PTPRB: variants seen among roughly 807,000 people sequenced by gnomAD.
The protein encoded by PTPRB is receptor-type tyrosine-protein phosphatase beta.
A neutral mutation model predicts 238.1 loss-of-function variants in PTPRB; 97 were observed. The ratio of observed to expected loss-of-function variants is 0.41; its 90% confidence interval spans 0.35 to 0.48. The LOEUF is 0.48. PTPRB is among the 20% of genes least tolerant of loss of function. The probability of loss-of-function intolerance (pLI) is 0.30; values close to 1 mark genes in which losing one functional copy is unlikely to be tolerated. For synonymous variants in PTPRB, 970 were observed against 995.4 expected (o/e 0.97, Z 0.48); for missense variants, 2,292 against 2,681.9 (o/e 0.85, Z 3.21).
intron 7 of PTPRB, 121 bp from the exon 8 acceptor site, chr12:70,590,354 C>T: frequency 9.7e-7 from 1 of 1,027,058 alleles, no homozygotes; most frequent in South Asian, 2.0e-5. Flanking sequence ...ACATTTCTAT[C>T]CCCTCTTGAT....
chr12:70,587,822 T>C (rs192310877), intron 8 of PTPRB, among the ~76,000 whole-genome samples: 141 of 152,174 alleles, frequency 9.3e-4, no homozygotes, highest in African/African-American at 3.2e-3. Flanking sequence ...AACTGTTGGT[T>C]GGGTGCGGTG....
intron 2 of PTPRB, among the ~76,000 whole-genome samples, chr12:70,634,050 G>A (rs2717419): frequency 0.39 from 59,008 of 152,032 alleles, 16,375 homozygotes; most frequent in African/African-American, 0.77. Context: ...GAATTTTTGA[G>A]TAGGTTTTTT....
At position 70,587,165 on chromosome 12, in the gene PTPRB, G is replaced by A. The variant is rs373810196; in HGVS notation, c.2153C>T (p.Ser718Phe). ...PVAEWEKYII[S>F]LADRDLLLIH... The stretch of plus-strand genomic sequence containing the variant: ...CAGTAAGAGGTCTCTGTCAGCTAGG[G>A]AAATGATGTATTTCTCCCATTCTGC... Residue 718 changes from serine to phenylalanine, a missense_variant, in exon 9 of 34, where the codon TCC becomes TTC. By Grantham distance (155) the Ser-to-Phe change is radical (BLOSUM62 -2). This residue lies in a region of PTPRB where 1,205 missense variants were observed against 1,287.8 expected (regional missense o/e 0.94). Coordinates refer to ENST00000334414, the MANE Select transcript of PTPRB (RefSeq NM_001109754.4). 4 of 1,613,774 alleles carry A rather than the reference G, an allele frequency of 2.5e-6. No individual in the cohort carries two copies. Among genetic ancestry groups the A allele is most frequent in the South Asian group, 1.1e-5 (1 of 91,072 alleles).
chr12:70,619,190 G>GTGTGTGTGTA (rs1884810653), intron 3 of PTPRB, among the ~76,000 whole-genome samples: 1 of 150,522 alleles, frequency 6.6e-6, no homozygotes. Flanking sequence ...GTGTGTGTGT[G>GTGTGTGTGTA]TGTATACTCT....
chr12:70,540,887 A>G lies in PTPRB; in HGVS notation c.5565T>C (p.Val1855=). The G allele has an allele frequency of 6.2e-7, 1 of 1,605,332 alleles. No individual in the cohort carries two copies. The highest frequency in any genetic ancestry group is 8.5e-7 in the Non-Finnish European group (1 of 1,175,900). ...CTTTCTGTCTGCAGATCAATAAGGC[A>G]ACAACAGCCACTAGCATGCCAATTA... ...LFLIGMLVAV[V]ALLICRQKVS... is the part of the protein sequence containing the mutation. The change falls in exon 23 of 34, where the codon GTT becomes GTC. Residue 1855 remains valine (V), a synonymous_variant. Transcript: ENST00000334414.
At chr12:70,564,880 AATAAT>A (rs796094969) in intron 15 of PTPRB, among the ~76,000 whole-genome samples, 4,158 of 45,546 alleles carry the variant, frequency 0.091, 90 homozygotes, top group East Asian at 0.27. Flanking sequence ...TAATAATAAT[AATAAT>A]AATAAATAGA....
intron 20 of PTPRB, among the ~76,000 whole-genome samples, chr12:70,554,744 G>A (rs1457962167): frequency 6.6e-6 from 1 of 152,072 alleles, no homozygotes; most frequent in South Asian, 2.1e-4. Flanking sequence ...GACAGGGAGG[G>A]GTGAAGACAG....
Position 70,629,898 on chromosome 12 carries a change from G to A in PTPRB, c.451+5773C>T, listed in dbSNP as rs139727508. ...AATGTGTCCAAGACTAAACCAGGAA[G>A]AAGTGGAATCTCTGAATAGACCAAT... On this transcript the variant is annotated intron_variant, in intron 2 of 33. Transcript: ENST00000334414. 1.2e-3 allele frequency among the ~76,000 whole-genome samples: 180 copies of A among 152,264 alleles called. 1 individual carries two copies. Among genetic ancestry groups the A allele is most frequent in the African/African-American group, 4.2e-3 (176 of 41,548 alleles).
chr12:70,596,067 A>G lies in PTPRB; in HGVS notation c.1240T>C (p.Tyr414His). ...GTCTTACCTGTTGATCCATTGGTAT[A>G]AACTGAAAAAGAACGTTTTCCTCCA... ...VSGGKRSFSVYTNGSTVPSPV... is the reference protein window; with the variant it reads ...VSGGKRSFSVHTNGSTVPSPV... Residue 414 changes from tyrosine (Y) to histidine (H), a missense_variant, in exon 5 of 34, where the codon TAT (tyrosine) becomes CAT (histidine). This residue lies in a region of PTPRB where 1,205 missense variants were observed against 1,287.8 expected (regional missense o/e 0.94). Coordinates refer to ENST00000334414, the MANE Select transcript of PTPRB (RefSeq NM_001109754.4). 1 of 1,609,210 alleles carries G rather than the reference A, an allele frequency of 6.2e-7. No homozygotes were observed.
chr12:70,527,367 A>G (rs1242052829), intron 32 of PTPRB, among the ~76,000 whole-genome samples: 4 of 152,184 alleles, frequency 2.6e-5, no homozygotes, highest in Non-Finnish European at 5.9e-5. Context: ...CATAACATAC[A>G]ATTTCACATA....
chr12:70,605,327 A>C (rs1272111709), intron 4 of PTPRB, among the ~76,000 whole-genome samples: 1 of 152,138 alleles, frequency 6.6e-6, no homozygotes, highest in Non-Finnish European at 1.5e-5. Context: ...TCACATCTAC[A>C]TGCTTATCTG....
At chr12:70,524,438 A>G (rs1390334401) in intron 33 of PTPRB, 33 bp downstream of exon 33, 5 of 1,562,960 alleles carry the variant, frequency 3.2e-6, no homozygotes, top group Middle Eastern at 1.7e-4. Context: ...CTTGATGAAG[A>G]AACTTGGGGA....
chr12:70,628,109 G>A (rs917273156), intron 2 of PTPRB, among the ~76,000 whole-genome samples: 13 of 152,168 alleles, frequency 8.5e-5, no homozygotes, highest in African/African-American at 2.4e-4. Context: ...GGATTTTACC[G>A]GTTCGGCCAT....
chr12:70,545,288 C>T (rs2584028), intron 21 of PTPRB, among the ~76,000 whole-genome samples: 81,947 of 152,012 alleles, frequency 0.54, 23,088 homozygotes, highest in African/African-American at 0.71. Context: ...GAAGTAATTC[C>T]GAGATGCCCA....
intron 31 of PTPRB, among the ~76,000 whole-genome samples, chr12:70,532,433 C>T (rs1040153043): frequency 3.3e-5 from 5 of 150,674 alleles, no homozygotes; most frequent in Non-Finnish European, 5.9e-5. Flanking sequence ...ATCATTTCCA[C>T]GCATGTTTTT....
rs35084668 is a variant in PTPRB, at chr12:70,626,296, C to CATCTATCTATCT, written c.452-3662_452-3651dup. Among the ~76,000 whole-genome samples the CATCTATCTATCT allele has an allele frequency of 5.1e-3, 472 of 91,916 alleles. 12 individuals carry two copies. Among genetic ancestry groups the CATCTATCTATCT allele is most frequent in the East Asian group, 0.011 (33 of 3,028 alleles). The allele number at this position is 91,916 out of a possible 152,430, so 60.3% of individuals were successfully genotyped here. The stretch of plus-strand genomic sequence containing the variant: ...TAGAAAAGGATGATGTCTATCCATC[C>CATCTATCTATCT]ATCTATCTATCTATCTATCTATCTA... On this transcript the variant is annotated intron_variant, in intron 2 of 33. Transcript: ENST00000334414.
intron 3 of PTPRB, among the ~76,000 whole-genome samples, chr12:70,618,934 A>G (rs977329254): frequency 1.3e-4 from 20 of 152,254 alleles, no homozygotes; most frequent in East Asian, 1.9e-4. Flanking sequence ...AAGTATACAA[A>G]CTTCCAAAGT....
rs866492527 is a variant in PTPRB at position 70,569,845 on chromosome 12, G to A, written c.3464C>T (p.Ser1155Phe). The A allele has an allele frequency of 6.2e-7, 1 of 1,613,968 alleles. No homozygotes were observed. Among genetic ancestry groups the A allele is most frequent in the Admixed American group, 1.7e-5 (1 of 60,006 alleles). The change falls in exon 14 of 34, where the codon TCC becomes TTC. Residue 1155 changes from serine (S) to phenylalanine (F), a missense_variant. This residue lies in a region of PTPRB where 683 missense variants were observed against 862.0 expected (regional missense o/e 0.79). Transcript: ENST00000334414. ...GTGCCTGAATGCCGACACCGTGTAG[G>A]AATCAACGTCTCCCCCACCAGGAGT... is the stretch of plus-strand genomic sequence containing the variant. ...NWTPGGGDVD[S>F]YTVSAFRHSQ...
intron 11 of PTPRB, among the ~76,000 whole-genome samples, chr12:70,573,550 G>A (rs1259281880): frequency 5.2e-5 from 7 of 135,254 alleles, no homozygotes; most frequent in South Asian, 2.3e-4. Flanking sequence ...TCTCTTGCCC[G>A]GGCTGGAGTG....
Sources: gnomAD v4.1 joint callset for allele counts (sites outside exome capture counted in the v4.1 genomes callset) on GRCh38, gnomAD v4.1.1 for gene constraint, gnomAD v4.1.1 regional missense constraint, MANE v1.5 for transcripts, NCBI Gene and HGNC (gene_info 2026-07-23, HGNC 2026-07-21) for gene names.